The following ZNF385D variants were observed in gnomAD, a reference collection of about 807,000 sequenced individuals.
ZNF385D encodes the protein zinc finger protein 385D, also known as zinc finger protein 659.
In ZNF385D, 15 loss-of-function variants were observed where a neutral mutation model predicts 35.8. That is an observed-to-expected ratio of 0.42 (90% confidence interval 0.28 to 0.64). ZNF385D has a LOEUF of 0.64. Among genes scored for constraint, ZNF385D ranks in the 30% least tolerant of loss-of-function variants. ZNF385D has a pLI of 0.23. For missense variants in ZNF385D, 474 were observed against 494.6 expected (o/e 0.96, Z 0.39); for synonymous variants, 212 against 186.8 (o/e 1.13, Z -1.10).
intron 4 of ZNF385D, among the ~76,000 whole-genome samples, chr3:21,474,395 G>A (rs3860576): frequency 6.6e-6 from 1 of 151,946 alleles, no homozygotes; most frequent in Non-Finnish European, 1.5e-5. Flanking sequence ...TGGACAATGA[G>A]TAGGTGCCCC....
intron 3 of ZNF385D, among the ~76,000 whole-genome samples, chr3:22,071,653 T>C (rs79427818): frequency 0.04 from 6,058 of 152,186 alleles, 345 homozygotes; most frequent in African/African-American, 0.13. Flanking sequence ...TTAGAAAATA[T>C]CCCTGATTAT....
At chr3:22,094,567 G>T (rs78902053) in intron 3 of ZNF385D, among the ~76,000 whole-genome samples, 2 of 151,762 alleles carry the variant, frequency 1.3e-5, no homozygotes, top group African/African-American at 2.4e-5. Flanking sequence ...GAGGTGGAAG[G>T]AAGAAGTGAA....
chr3:21,870,715 G>A (rs187089492), intron 3 of ZNF385D, among the ~76,000 whole-genome samples: 8 of 152,208 alleles, frequency 5.3e-5, no homozygotes, highest in East Asian at 3.9e-4. Context: ...GTAGATAGGC[G>A]TGCGTGTGTG....
intron 3 of ZNF385D, among the ~76,000 whole-genome samples, chr3:21,818,810 A>G (rs866797251): frequency 2.0e-5 from 3 of 151,974 alleles, no homozygotes; most frequent in African/African-American, 7.2e-5. Flanking sequence ...AAATTTTCCT[A>G]TATTAATGAA....
chr3:21,516,215 C>A (rs1707552978), intron 3 of ZNF385D, among the ~76,000 whole-genome samples: 1 of 152,214 alleles, frequency 6.6e-6, no homozygotes, highest in African/African-American at 2.4e-5. Flanking sequence ...AGTTCTCCCA[C>A]ATGTCCAGCC....
intron 2 of ZNF385D, among the ~76,000 whole-genome samples, chr3:21,571,597 T>G (rs1464632984): frequency 6.6e-6 from 1 of 151,680 alleles, no homozygotes; most frequent in East Asian, 1.9e-4. Flanking sequence ...TGGTGTAGAC[T>G]CCACGATTTA....
At chr3:22,284,924 A>T (rs1395227541) in intron 2 of ZNF385D, among the ~76,000 whole-genome samples, 2 of 152,148 alleles carry the variant, frequency 1.3e-5, no homozygotes, top group Non-Finnish European at 2.9e-5. Context: ...GGCAGGCAGG[A>T]AAGAAGTAGC....
intron 3 of ZNF385D, among the ~76,000 whole-genome samples, chr3:22,079,414 TTC>T (rs1559352423): frequency 6.6e-5 from 10 of 151,976 alleles, no homozygotes. Context: ...AAAATTGACA[TTC>T]TGTTGAAGAT....
At chr3:22,155,492 C>A (rs1258061999) in intron 3 of ZNF385D, among the ~76,000 whole-genome samples, 1 of 151,952 alleles carries the variant, frequency 6.6e-6, no homozygotes, top group Non-Finnish European at 1.5e-5. Context: ...ATTACAAACA[C>A]TGGGACACTT....
At chr3:21,982,997 T>C (rs1048461153) in intron 3 of ZNF385D, among the ~76,000 whole-genome samples, 4 of 152,028 alleles carry the variant, frequency 2.6e-5, no homozygotes, top group African/African-American at 4.8e-5. Flanking sequence ...TTTGCGAGTA[T>C]TTTGCTGAAG....
intron 3 of ZNF385D, among the ~76,000 whole-genome samples, chr3:21,790,759 TC>T (rs1329428164): frequency 3.3e-5 from 5 of 152,228 alleles, no homozygotes; most frequent in Non-Finnish European, 7.3e-5. Flanking sequence ...GACTTTTCTC[TC>T]TCCATATGAG....
chr3:21,744,604 A>T (rs1476946551), intron 1 of ZNF385D, among the ~76,000 whole-genome samples: 2 of 152,176 alleles, frequency 1.3e-5, no homozygotes, highest in Non-Finnish European at 2.9e-5. Context: ...GCAAAGTGAA[A>T]GCTGAAAACT....
At chr3:21,615,225 G>A (rs1014165652) in intron 2 of ZNF385D, among the ~76,000 whole-genome samples, 1 of 152,044 alleles carries the variant, frequency 6.6e-6, no homozygotes, top group Non-Finnish European at 1.5e-5. Context: ...AAAAGAGTCA[G>A]GGACCTCCAT....
At chr3:21,579,135 G>A (rs754521548) in intron 2 of ZNF385D, 1 of 152,124 alleles carries the variant, frequency 6.6e-6, no homozygotes, top group Non-Finnish European at 1.5e-5. Context: ...CAGGTTTCTC[G>A]ATGTTTATGA....
chr3:22,093,835 T>A (rs1045363661), intron 3 of ZNF385D, among the ~76,000 whole-genome samples: 1 of 152,132 alleles, frequency 6.6e-6, no homozygotes, highest in African/African-American at 2.4e-5. Context: ...TGTACTAAGA[T>A]TTACTATATG....
intron 1 of ZNF385D, among the ~76,000 whole-genome samples, chr3:21,746,118 G>A (rs1389151576): frequency 6.6e-6 from 1 of 152,188 alleles, no homozygotes; most frequent in Non-Finnish European, 1.5e-5. Flanking sequence ...TCAGTCAAAA[G>A]CAACTGTGAC....
intron 2 of ZNF385D, among the ~76,000 whole-genome samples, chr3:21,573,885 C>A (rs1371984438): frequency 6.6e-6 from 1 of 151,620 alleles, no homozygotes; most frequent in Non-Finnish European, 1.5e-5. Context: ...CATGGTGAAA[C>A]CCCATCTCTA....
At chr3:21,431,474 T>C (rs763096190) in intron 5 of ZNF385D, among the ~76,000 whole-genome samples, 2 of 152,160 alleles carry the variant, frequency 1.3e-5, no homozygotes, top group Non-Finnish European at 2.9e-5. Flanking sequence ...ATGGTTAATA[T>C]GGTAGCCATT....
chr3:22,046,357 G>C (rs1409286672), intron 3 of ZNF385D, among the ~76,000 whole-genome samples: 2 of 151,942 alleles, frequency 1.3e-5, no homozygotes, highest in Non-Finnish European at 2.9e-5. Context: ...ACTCAATAGA[G>C]ACATTCTCTG....
Sources: allele counts gnomAD v4.1 joint callset (sites outside exome capture counted in the v4.1 genomes callset), GRCh38; gene constraint gnomAD v4.1.1; transcripts MANE v1.5; gene names NCBI Gene and HGNC (gene_info 2026-07-23, HGNC 2026-07-21).